The following UNC13C variants were observed in gnomAD, a reference collection of about 807,000 sequenced individuals.
The protein encoded by UNC13C is unc-13 homolog C.
In UNC13C, 174 loss-of-function variants were observed where a neutral mutation model predicts 245.4. The ratio of observed to expected loss-of-function variants is 0.71; its 90% CI spans 0.63 to 0.80. The LOEUF (loss-of-function observed/expected upper bound fraction) is 0.80, where lower values mean the gene tolerates loss of function less well. Among genes scored for constraint, UNC13C ranks in the 30% least tolerant of loss-of-function variants. The probability of loss-of-function intolerance (pLI) is 0.00; values close to 1 mark genes in which losing one functional copy is unlikely to be tolerated. For missense variants in UNC13C, 2,829 were observed against 2,602.9 expected (o/e 1.09, Z -1.89); for synonymous variants, 992 against 895.1 (o/e 1.11, Z -1.93).
chr15:54,154,852 T>C (rs562260594), intron 4 of UNC13C, among the ~76,000 whole-genome samples: 2 of 152,316 alleles, frequency 1.3e-5, no homozygotes, highest in African/African-American at 4.8e-5. Context: ...ACGTGGATCA[T>C]TGAAGAAATT....
rs548752694 is a variant in UNC13C at position 54,272,949 on chromosome 15, T to G, written c.3818+7453T>G. Among the ~76,000 whole-genome samples the G allele has an allele frequency of 1.1e-4, 16 of 152,292 alleles. No individual in the cohort carries two copies. The East Asian group carries it at 3.1e-3, about 29-fold the overall frequency. ...CATGTTTAGAGCTATCACTGTAATA[T>G]TCCATAGGCAGGGGTGCAAGGTGCT... On this transcript the variant is annotated intron_variant, in intron 10 of 32. Transcript: ENST00000260323.
chr15:54,430,235 C>T (rs117200027), intron 19 of UNC13C, among the ~76,000 whole-genome samples: 2,215 of 151,724 alleles, frequency 0.015, 27 homozygotes, highest in Non-Finnish European at 0.025. Context: ...TTTTGTACCA[C>T]TTACGGTGAT....
the UNC13C span, among the ~76,000 whole-genome samples, chr15:53,970,161 C>T: frequency 6.6e-6 from 1 of 151,986 alleles, no homozygotes; most frequent in Non-Finnish European, 1.5e-5. Context: ...CCTTTGCCTC[C>T]CCGGTTCAAG....
intron 2 of UNC13C, among the ~76,000 whole-genome samples, chr15:54,077,257 T>C (rs1898675690): frequency 6.6e-6 from 1 of 152,160 alleles, no homozygotes; most frequent in East Asian, 1.9e-4. Flanking sequence ...TTATTAAACA[T>C]GTTTCTTATG....
At chr15:54,411,642 G>A (rs919040480) in intron 18 of UNC13C, among the ~76,000 whole-genome samples, 1 of 151,992 alleles carries the variant, frequency 6.6e-6, no homozygotes, top group African/African-American at 2.4e-5. Flanking sequence ...TTGAAAATTA[G>A]CCACTCTTGT....
At chr15:54,102,933 GCTGCAGTA>G (rs1248379054) in intron 2 of UNC13C, among the ~76,000 whole-genome samples, 8 of 152,310 alleles carry the variant, frequency 5.3e-5, no homozygotes, top group African/African-American at 1.9e-4. Context: ...CCCTTGGCCA[GCTGCAGTA>G]CTTGCATCTT....
intron 2 of UNC13C, among the ~76,000 whole-genome samples, chr15:54,063,458 A>C (rs1228857954): frequency 2.0e-5 from 3 of 152,018 alleles, no homozygotes; most frequent in African/African-American, 7.2e-5. Context: ...TGTTTCCTTC[A>C]TTTCACATCC....
At chr15:54,103,527 A>T (rs79025676) in intron 2 of UNC13C, among the ~76,000 whole-genome samples, 5,018 of 152,318 alleles carry the variant, frequency 0.033, 123 homozygotes, top group South Asian at 0.11. Flanking sequence ...ACTTTTGTAG[A>T]TTAAAAATAT....
At chr15:54,111,483 G>T (rs10152318) in intron 2 of UNC13C, among the ~76,000 whole-genome samples, 145,054 of 152,246 alleles carry the variant, frequency 0.95, 69,523 homozygotes, top group Middle Eastern at 1. Flanking sequence ...AGGCAGTGGA[G>T]GCAGAATCCT....
chr15:54,460,344 T>C (rs1891767993), intron 19 of UNC13C, among the ~76,000 whole-genome samples: 1 of 152,212 alleles, frequency 6.6e-6, no homozygotes, highest in Admixed American at 6.5e-5. Context: ...TAGTTTTGTT[T>C]AGTGTGCTGG....
At chr15:54,038,438 T>A (rs7183941) in intron 2 of UNC13C, among the ~76,000 whole-genome samples, 5,981 of 152,042 alleles carry the variant, frequency 0.039, 406 homozygotes, top group African/African-American at 0.14. Flanking sequence ...TGGCCCCATT[T>A]GTATATCTTA....
chr15:54,609,644 G>A (rs567588976), intron 30 of UNC13C, among the ~76,000 whole-genome samples: 1 of 152,234 alleles, frequency 6.6e-6, no homozygotes, highest in Middle Eastern at 3.4e-3. Context: ...AACACCATCT[G>A]TGTGTATTGT....
chr15:54,485,837 C>T (rs35656729), intron 19 of UNC13C, among the ~76,000 whole-genome samples: 46,390 of 151,964 alleles, frequency 0.31, 7,565 homozygotes, highest in East Asian at 0.52. Context: ...AATGCTCTTC[C>T]AGAAGATGGC....
At chr15:54,063,820 G>A (rs1897953397) in intron 2 of UNC13C, among the ~76,000 whole-genome samples, 1 of 152,180 alleles carries the variant, frequency 6.6e-6, no homozygotes, top group African/African-American at 2.4e-5. Context: ...TTCAAGGTGG[G>A]AGACACAGCT....
At chr15:54,358,343 A>C (rs959739300) in intron 17 of UNC13C, among the ~76,000 whole-genome samples, 2 of 152,024 alleles carry the variant, frequency 1.3e-5, no homozygotes, top group Non-Finnish European at 2.9e-5. Context: ...TGGTTTTTCT[A>C]TTCCTATGAA....
chr15:53,935,765 AC>A, the UNC13C span, among the ~76,000 whole-genome samples: 1 of 151,978 alleles, frequency 6.6e-6, no homozygotes, highest in South Asian at 2.1e-4. Flanking sequence ...GTGTTATGTG[AC>A]CCTGCCCAGG....
At chr15:54,001,895 A>G (rs900430860) in intron 1 of UNC13C, among the ~76,000 whole-genome samples, 1 of 152,190 alleles carries the variant, frequency 6.6e-6, no homozygotes, top group Non-Finnish European at 1.5e-5. Flanking sequence ...AATGACACAC[A>G]TGACTCCGTC....
chr15:53,994,778 T>G (rs1894542842), intron 1 of UNC13C, among the ~76,000 whole-genome samples: 1 of 152,106 alleles, frequency 6.6e-6, no homozygotes, highest in African/African-American at 2.4e-5. Flanking sequence ...TAGTATAGTG[T>G]CTGAAATATT....
At chr15:54,122,411 T>C (rs960873168) in intron 2 of UNC13C, among the ~76,000 whole-genome samples, 3 of 152,032 alleles carry the variant, frequency 2.0e-5, no homozygotes, top group African/African-American at 7.2e-5. Context: ...ATGAGATAAT[T>C]TTAGGTTTCT....
Sources: gnomAD v4.1 joint callset for allele counts (sites outside exome capture counted in the v4.1 genomes callset) on GRCh38, gnomAD v4.1.1 for gene constraint, MANE v1.5 for transcripts, NCBI Gene and HGNC (gene_info 2026-07-23, HGNC 2026-07-21) for gene names.